GRID1: variants seen among roughly 807,000 people sequenced by gnomAD.
GRID1 encodes glutamate ionotropic receptor delta type subunit 1.
Under a neutral mutation model 98.0 loss-of-function variants are expected in GRID1, and 28 were observed. The observed-to-expected ratio is 0.29, with a 90% CI of 0.21 to 0.39. GRID1 has a LOEUF of 0.39. Among genes scored for constraint, GRID1 ranks in the 10% least tolerant of loss-of-function variants. The pLI is 1.00. For synonymous variants in GRID1, 553 were observed against 538.5 expected, an observed-to-expected ratio of 1.03 and a Z score of -0.37; for missense variants, 1,111 against 1,340.5, an observed-to-expected ratio of 0.83 and a Z score of 2.67.
chr10:85,687,723 A>T (rs187418832), intron 12 of GRID1, among the ~76,000 whole-genome samples: 4 of 152,344 alleles, frequency 2.6e-5, no homozygotes, highest in Non-Finnish European at 5.9e-5. Context: ...AGAGTATGAG[A>T]CGAGGGATTT....
intron 2 of GRID1, among the ~76,000 whole-genome samples, chr10:86,252,694 C>T (rs1444106597): frequency 6.6e-6 from 1 of 152,214 alleles, no homozygotes; most frequent in Non-Finnish European, 1.5e-5. Flanking sequence ...CATCTGATGC[C>T]TACTGTGGTC....
In GRID1 at chr10:86,138,813, A is replaced by G. The variant is rs1488985856; in HGVS notation, c.726+6T>C. ...GCCCCTGAGGCCTCAGGCCCCCATG[A>G]CCTACCTCGTTGATGAAGGAGTGGG... On this transcript the variant is annotated splice_donor_region_variant and intron_variant, in intron 4 of 15. Transcript: ENST00000327946. 2 of 1,612,020 alleles carry G rather than the reference A, an allele frequency of 1.2e-6. No individual in the cohort carries two copies. The highest frequency in any genetic ancestry group is 2.7e-5 in the African/African-American group (2 of 74,998).
intron 3 of GRID1, among the ~76,000 whole-genome samples, chr10:86,154,784 C>T (rs1012244357): frequency 1.3e-5 from 2 of 152,182 alleles, no homozygotes; most frequent in Non-Finnish European, 2.9e-5. Context: ...ATTGACAGAG[C>T]TGCCATCGTA....
chr10:86,265,879 CA>C (rs5786734), intron 2 of GRID1, among the ~76,000 whole-genome samples: 5,991 of 152,266 alleles, frequency 0.039, 230 homozygotes, highest in Admixed American at 0.11. Flanking sequence ...TGAGGATCTG[CA>C]AAGTCGCTGA....
chr10:85,648,043 A>G (rs1028876825), intron 12 of GRID1: 1 of 152,226 alleles, frequency 6.6e-6, no homozygotes, highest in East Asian at 1.9e-4. Context: ...CTTTGAAAAA[A>G]TAAAAAAATT....
rs59704249 is a variant in GRID1, at chr10:85,933,285, TAAAAAAAAA to T, written c.727-17055_727-17047del. On this transcript the variant is annotated intron_variant, in intron 4 of 15. Coordinates refer to ENST00000327946, the MANE Select transcript of GRID1 (RefSeq NM_017551.3). ...GTATAAGAAATAAATCTCTGTTCTT[TAAAAAAAAA>T]AAAAAAAAAAAAAAAAAACTTATTT... 4.2e-3 allele frequency among the ~76,000 whole-genome samples: 510 copies of T among 120,452 alleles called. 6 individuals carry two copies. Among genetic ancestry groups the T allele is most frequent in the African/African-American group, 0.014 (391 of 28,624 alleles). The allele number at this position is 120,452 out of a possible 152,430, so 79.0% of individuals were successfully genotyped here.
chr10:86,052,623 G>A (rs1262914580), intron 4 of GRID1: 1 of 151,980 alleles, frequency 6.6e-6, no homozygotes, highest in African/African-American at 2.4e-5. Flanking sequence ...ATAACTAAAT[G>A]TTAATGGAAC....
At chr10:85,737,964 C>A (rs2132669321) in intron 8 of GRID1, among the ~76,000 whole-genome samples, 1 of 151,788 alleles carries the variant, frequency 6.6e-6, no homozygotes, top group Non-Finnish European at 1.5e-5. Context: ...GAAGAAAAAA[C>A]CCTGGAATTT....
chr10:86,286,816 T>A (rs1847438333), intron 2 of GRID1, among the ~76,000 whole-genome samples: 1 of 152,214 alleles, frequency 6.6e-6, no homozygotes, highest in Admixed American at 6.5e-5. Context: ...GACAGCTATC[T>A]ACTGTGAGTG....
chr10:85,943,771 C>A (rs1447901568), intron 4 of GRID1, among the ~76,000 whole-genome samples: 2 of 152,156 alleles, frequency 1.3e-5, no homozygotes, highest in Non-Finnish European at 2.9e-5. Context: ...CAAAGGATTG[C>A]AAAAGCAATG....
intron 6 of GRID1, among the ~76,000 whole-genome samples, chr10:85,859,086 C>T (rs767928375): frequency 3.9e-5 from 6 of 152,172 alleles, no homozygotes; most frequent in Admixed American, 2.0e-4. Context: ...ATAGGCAGGC[C>T]TTCCCAATGC....
chr10:86,148,529 T>C (rs1845117900), intron 3 of GRID1, among the ~76,000 whole-genome samples: 1 of 152,142 alleles, frequency 6.6e-6, no homozygotes, highest in Non-Finnish European at 1.5e-5. Context: ...GAGGATAAGT[T>C]CAAGTGATCT....
chr10:85,813,999 T>A (rs755743072), intron 8 of GRID1, among the ~76,000 whole-genome samples: 8 of 151,842 alleles, frequency 5.3e-5, no homozygotes, highest in East Asian at 3.9e-4. Context: ...GAAATATTTT[T>A]AAAAATTTAA....
chr10:86,128,572 C>T (rs560533249), intron 4 of GRID1, among the ~76,000 whole-genome samples: 1 of 152,090 alleles, frequency 6.6e-6, no homozygotes. Context: ...AGAGGCCATA[C>T]CACGCCCTGC....
chr10:85,619,961 A>T lies in GRID1; in HGVS notation c.2266T>A (p.Cys756Ser). Residue 756 changes from cysteine (C) to serine (S), a missense_variant, in exon 14 of 16, where the codon TGC (cysteine) becomes AGC (serine). Physicochemically the swap from Cys to Ser is moderately radical, Grantham distance 112. Around this residue, in one of 3 missense-constraint regions of GRID1, gnomAD observed 762 missense variants for 869.1 expected, o/e 0.88. Coordinates refer to ENST00000327946, the MANE Select transcript of GRID1 (RefSeq NM_017551.3). The part of the protein sequence containing the change: ...VEYAALTDDD[C>S]SVTVIGNSIS... Reference sequence around the variant, plus strand: ...CTGTTGCCGATGACAGTCACCGAGCAGTCGTCATCCGTCAGGGCTGCGTAT... The same window carrying T: ...CTGTTGCCGATGACAGTCACCGAGCTGTCGTCATCCGTCAGGGCTGCGTAT... The T allele has an allele frequency of 1.2e-6, 2 of 1,614,004 alleles. No individual in the cohort carries two copies. Among genetic ancestry groups the T allele is most frequent in the Non-Finnish European group, 1.7e-6 (2 of 1,179,846 alleles).
At chr10:86,341,914 C>T (rs1223332889) in intron 2 of GRID1, among the ~76,000 whole-genome samples, 1 of 152,220 alleles carries the variant, frequency 6.6e-6, no homozygotes, top group Admixed American at 6.5e-5. Flanking sequence ...GGATTCTGTG[C>T]CAGAGTTTCC....
At chr10:86,242,809 A>C (rs568023567) in intron 2 of GRID1, among the ~76,000 whole-genome samples, 18 of 152,316 alleles carry the variant, frequency 1.2e-4, no homozygotes, top group Admixed American at 6.5e-4. Context: ...AATGACATCC[A>C]GGCCACAGAT....
Position 85,715,049 on chromosome 10 carries a change from C to T in GRID1, c.1997+7954G>A, listed in dbSNP as rs149643232. Among the ~76,000 whole-genome samples the T allele has an allele frequency of 4.9e-3, 747 of 151,958 alleles. 8 individuals are homozygous for T. Among genetic ancestry groups the T allele is most frequent in the African/African-American group, 0.017 (717 of 41,474 alleles). On this transcript the variant is annotated intron_variant, in intron 12 of 15. Transcript: ENST00000327946. The stretch of plus-strand genomic sequence containing the variant: ...ATTGGCATAAAAACAGATATATAGA[C>T]GAATGAAAGAGAATACAGCCTAGAA...
chr10:85,630,226 T>C (rs1364133274), intron 13 of GRID1, among the ~76,000 whole-genome samples: 1 of 152,198 alleles, frequency 6.6e-6, no homozygotes, highest in Non-Finnish European at 1.5e-5. Flanking sequence ...GAACAAGGGT[T>C]TGGAGACAGG....
Sources: allele counts gnomAD v4.1 joint callset (sites outside exome capture counted in the v4.1 genomes callset), GRCh38; gene constraint gnomAD v4.1.1; regional missense constraint gnomAD v4.1.1; transcripts MANE v1.5; gene names NCBI Gene and HGNC (gene_info 2026-07-23, HGNC 2026-07-21).